The following VEPH1 variants were observed in gnomAD, a reference collection of about 807,000 sequenced individuals.
VEPH1 encodes the protein ventricular zone expressed PH domain containing 1.
Under a neutral mutation model 85.2 loss-of-function variants are expected in VEPH1, and 80 were observed. The observed-to-expected ratio is 0.94, with a 90% CI of 0.78 to 1.13. The LOEUF is 1.13. VEPH1 is among the 50% of genes most tolerant of loss of function. The pLI is 0.00. For missense variants in VEPH1, 955 were observed against 980.5 expected (o/e 0.97, Z 0.35); for synonymous variants, 297 against 348.0 (o/e 0.85, Z 1.63).
intron 12 of VEPH1, among the ~76,000 whole-genome samples, chr3:157,267,671 G>A (rs1398914247): frequency 2.0e-5 from 3 of 152,130 alleles, no homozygotes; most frequent in East Asian, 1.9e-4. Context: ...TGGGAAGCTA[G>A]GCAGGAGAAT....
intron 4 of VEPH1, chr3:157,442,621 C>T (rs1412912197): frequency 3.7e-6 from 6 of 1,614,050 alleles, no homozygotes; most frequent in East Asian, 4.5e-5. Flanking sequence ...GCCATGGTTT[C>T]CCTGGGAAGG....
chr3:157,330,748 A>C (rs935280041), intron 9 of VEPH1, among the ~76,000 whole-genome samples: 12 of 152,334 alleles, frequency 7.9e-5, no homozygotes, highest in African/African-American at 2.9e-4. Flanking sequence ...TATCAAGAGC[A>C]GCAATCTCCT....
At chr3:157,412,016 G>C (rs1468446390) in intron 6 of VEPH1, among the ~76,000 whole-genome samples, 1 of 152,156 alleles carries the variant, frequency 6.6e-6, no homozygotes, top group Non-Finnish European at 1.5e-5. Flanking sequence ...ATGATAGTGA[G>C]TGAGTGCTCA....
intron 5 of VEPH1, among the ~76,000 whole-genome samples, chr3:157,422,724 T>C (rs1732440087): frequency 6.6e-6 from 1 of 152,220 alleles, no homozygotes; most frequent in Non-Finnish European, 1.5e-5. Flanking sequence ...CCCATCTTCC[T>C]CCAGCACCTT....
intron 6 of VEPH1, among the ~76,000 whole-genome samples, chr3:157,382,517 A>G (rs1728889521): frequency 6.6e-6 from 1 of 152,244 alleles, no homozygotes; most frequent in African/African-American, 2.4e-5. Context: ...AATTTAAAAT[A>G]TGGCTTATTT....
rs761712249 is a variant in VEPH1 at position 157,502,560 on chromosome 3, A to G, written c.-158+717T>C. 1.2e-3 allele frequency among the ~76,000 whole-genome samples: 178 copies of G among 152,332 alleles called. 2 individuals carry two copies. The highest frequency in any genetic ancestry group is 0.01 in the Middle Eastern group (3 of 294). On this transcript the variant is annotated intron_variant, in intron 1 of 13. Coordinates refer to ENST00000362010, the MANE Select transcript of VEPH1 (RefSeq NM_001167912.2). The stretch of plus-strand genomic sequence containing the variant: ...AAATGTACCAAAACTCTCAAACTAC[A>G]TGGAAAACTCAATGTTAAATGTATC...
chr3:157,364,574 T>C, intron 7 of VEPH1, 62 bp from the exon 8 acceptor site: 2 of 1,494,566 alleles, frequency 1.3e-6, no homozygotes, highest in Non-Finnish European at 1.8e-6. Context: ...AACAGTGTTA[T>C]TCTCTATTTA....
intron 7 of VEPH1, among the ~76,000 whole-genome samples, chr3:157,379,500 A>G (rs911866880): frequency 1.3e-5 from 2 of 152,184 alleles, no homozygotes; most frequent in Non-Finnish European, 2.9e-5. Flanking sequence ...ACCATAGCCC[A>G]TTGTATGCAC....
At chr3:157,418,291 C>T (rs767759990) in intron 5 of VEPH1, among the ~76,000 whole-genome samples, 80 of 152,090 alleles carry the variant, frequency 5.3e-4, no homozygotes, top group Non-Finnish European at 9.4e-4. Context: ...TAGAGTTAGT[C>T]ACTTCCTCTT....
intron 4 of VEPH1, among the ~76,000 whole-genome samples, chr3:157,447,593 T>A (rs1734645882): frequency 6.9e-6 from 1 of 144,674 alleles, no homozygotes; most frequent in African/African-American, 2.8e-5. Context: ...CTGCTTCCAA[T>A]CTTTTTTTTT....
intron 6 of VEPH1, chr3:157,409,719 C>T (rs190814593): frequency 1.7e-4 from 165 of 985,412 alleles, no homozygotes; most frequent in Non-Finnish European, 1.9e-4. Context: ...CAGGCACACC[C>T]TGTCATTTCC....
intron 4 of VEPH1, among the ~76,000 whole-genome samples, chr3:157,452,155 T>A (rs1577691172): frequency 6.6e-6 from 1 of 152,108 alleles, no homozygotes. Context: ...TCCATTTTAG[T>A]CCTCATAAGC....
At chr3:157,331,326 G>A (rs938728781) in intron 9 of VEPH1, among the ~76,000 whole-genome samples, 2 of 152,190 alleles carry the variant, frequency 1.3e-5, no homozygotes. Context: ...TGTGATTTGA[G>A]GTGGTATGGT....
intron 4 of VEPH1, among the ~76,000 whole-genome samples, chr3:157,429,751 T>C (rs1733007129): frequency 6.6e-6 from 1 of 152,228 alleles, no homozygotes; most frequent in Non-Finnish European, 1.5e-5. Context: ...AGGAATTTTT[T>C]AATGCAATAC....
chr3:157,381,630 A>G (rs987128109), intron 6 of VEPH1: 2 of 474,684 alleles, frequency 4.2e-6, no homozygotes, highest in Non-Finnish European at 7.7e-6. Context: ...GAGGCACGAG[A>G]ATCACTTGAA....
chr3:157,393,459 G>C (rs1038088353), intron 6 of VEPH1, among the ~76,000 whole-genome samples: 6 of 152,058 alleles, frequency 3.9e-5, no homozygotes, highest in Non-Finnish European at 8.8e-5. Context: ...GTTATTATTA[G>C]TATTATTTTT....
chr3:157,296,458 A>G (rs1373984285), intron 11 of VEPH1, among the ~76,000 whole-genome samples: 2 of 152,194 alleles, frequency 1.3e-5, no homozygotes, highest in Non-Finnish European at 2.9e-5. Context: ...AACTCCCTGT[A>G]GAGGAGTCTC....
chr3:157,474,552 T>G (rs1309466058), intron 2 of VEPH1, among the ~76,000 whole-genome samples: 7 of 152,216 alleles, frequency 4.6e-5, no homozygotes, highest in African/African-American at 1.7e-4. Context: ...CGATTCTTAA[T>G]AGTAAAAAAT....
Position 157,460,370 on chromosome 3 carries a change from GA to G in VEPH1, c.355-16del. On this transcript the variant is annotated splice_polypyrimidine_tract_variant and intron_variant, in intron 3 of 13. Coordinates refer to ENST00000362010, the MANE Select transcript of VEPH1 (RefSeq NM_001167912.2). Reference sequence around the variant, plus strand: ...CGGTTGTAATTCTGAGGAAATATAAGAAAGCCACAAATAATAAGTGACTCAT... The same window carrying G: ...CGGTTGTAATTCTGAGGAAATATAAGAAGCCACAAATAATAAGTGACTCAT... 1 of 1,597,984 alleles carries G rather than the reference GA, an allele frequency of 6.3e-7. No homozygotes were observed. Among genetic ancestry groups the G allele is most frequent in the Non-Finnish European group, 8.5e-7 (1 of 1,172,012 alleles).
Sources: allele counts gnomAD v4.1 joint callset (sites outside exome capture counted in the v4.1 genomes callset), GRCh38; gene constraint gnomAD v4.1.1; transcripts MANE v1.5; gene names NCBI Gene and HGNC (gene_info 2026-07-23, HGNC 2026-07-21).